IHO1: variants seen among roughly 807,000 people sequenced by gnomAD.
The protein encoded by IHO1 is interactor of HORMAD1 1.
A neutral mutation model predicts 31.0 loss-of-function variants in IHO1; 13 were observed. The ratio of observed to expected loss-of-function variants is 0.42; its 90% CI spans 0.27 to 0.67. IHO1 has a LOEUF of 0.67. Among genes scored for constraint, IHO1 ranks in the 30% least tolerant of loss-of-function variants. The pLI, the probability that IHO1 is intolerant of heterozygous loss-of-function variation, is 0.24. For synonymous variants in IHO1, 221 were observed against 248.4 expected, an observed-to-expected ratio of 0.89 and a Z score of 1.04; for missense variants, 599 against 687.5, an observed-to-expected ratio of 0.87 and a Z score of 1.44.
chr3:49,193,018 A>G, the IHO1 span, among the ~76,000 whole-genome samples: 22 of 152,356 alleles, frequency 1.4e-4, no homozygotes, highest in Non-Finnish European at 1.9e-4. Context: ...TAGTCACACA[A>G]TGAAATTACT....
In IHO1 at chr3:49,256,920, T is replaced by C. The variant is rs1454531463; in HGVS notation, c.1423T>C (p.Tyr475His). 1.3e-5 allele frequency: 21 copies of C among 1,614,178 alleles called. No homozygotes were observed. The highest frequency in any genetic ancestry group is 3.3e-5 in the South Asian group (3 of 91,086). ...PIQTCKFNSK[Y>H]QSPQPAISVP... ...CCAGACCTGTAAATTCAATTCCAAA[T>C]ATCAGAGTCCTCAGCCTGCAATTTC... The change falls in exon 8 of 8, where the codon TAT (tyrosine) becomes CAT (histidine). Residue 475 changes from tyrosine to histidine, a missense_variant. By Grantham distance (83) the Tyr-to-His change is moderately conservative. Transcript: ENST00000452691. This position sits in a 1 kb window ranked among gnomAD's most constrained non-coding sequence, Gnocchi z 4.6.
In IHO1 at chr3:49,222,536, G is replaced by C. The variant is rs573775914; in HGVS notation, c.56+10700G>C. On this transcript the variant is annotated intron_variant, in intron 2 of 7. Coordinates refer to ENST00000452691, the MANE Select transcript of IHO1 (RefSeq NM_001135197.2). ...AAAAAGGTTGATGTGATTAGGATTTGCATCCCAGCAGGAGCTATAGTATGT... is the reference window on the plus strand; with the variant it reads ...AAAAAGGTTGATGTGATTAGGATTTCCATCCCAGCAGGAGCTATAGTATGT... Among the ~76,000 whole-genome samples the C allele has an allele frequency of 2.0e-5, 3 of 152,318 alleles. No homozygotes were observed. In the East Asian group the frequency reaches 5.8e-4, roughly 29 times the overall value.
At chr3:49,207,738 T>C (rs2107682718) in intron 1 of IHO1, among the ~76,000 whole-genome samples, 1 of 152,074 alleles carries the variant, frequency 6.6e-6, no homozygotes, top group South Asian at 2.1e-4. Flanking sequence ...ATAAAAATAG[T>C]CCTCATGATT....
intron 2 of IHO1, among the ~76,000 whole-genome samples, chr3:49,214,606 T>TCATATATATATATATATATACATATA (rs199698928): frequency 2.0e-5 from 1 of 49,512 alleles, no homozygotes; most frequent in Non-Finnish European, 4.0e-5. Flanking sequence ...TATTTCTAGA[T>TCATATATATATATATATATACATATA]CATATATATA....
intron 1 of IHO1, among the ~76,000 whole-genome samples, chr3:49,206,920 T>C: frequency 6.6e-6 from 1 of 151,838 alleles, no homozygotes; most frequent in Non-Finnish European, 1.5e-5. Flanking sequence ...TGGTGGCAGA[T>C]GCCTGTAATC....
chr3:49,246,663 A>C (rs2046698847), intron 6 of IHO1, among the ~76,000 whole-genome samples: 1 of 151,964 alleles, frequency 6.6e-6, no homozygotes, highest in Non-Finnish European at 1.5e-5. Flanking sequence ...TAATAATAAT[A>C]ATAATAAAAC....
chr3:49,193,715 G>T (rs1197421149), upstream of IHO1, among the ~76,000 whole-genome samples: 1 of 135,700 alleles, frequency 7.4e-6, no homozygotes, highest in African/African-American at 2.8e-5. Flanking sequence ...TGTAATCCCA[G>T]CATTCTGGGA....
intron 2 of IHO1, among the ~76,000 whole-genome samples, chr3:49,221,366 G>A (rs528174113): frequency 6.7e-5 from 10 of 150,362 alleles, no homozygotes; most frequent in Admixed American, 3.3e-4. Context: ...TGATTGGTGC[G>A]TTTTTTACAG....
At chr3:49,244,553 T>C in intron 5 of IHO1, 93 bp from the exon 6 acceptor site, 1 of 1,306,416 alleles carries the variant, frequency 7.7e-7, no homozygotes, top group East Asian at 2.3e-5. Context: ...AGCAATATTT[T>C]AACTATCCCT....
At chr3:49,253,379 C>T (rs1370039435) in intron 6 of IHO1, among the ~76,000 whole-genome samples, 1 of 151,900 alleles carries the variant, frequency 6.6e-6, no homozygotes, top group Non-Finnish European at 1.5e-5. Flanking sequence ...GAGCTGAGAT[C>T]GTGCCACTGC....
At chr3:49,246,206 G>GGCT (rs2046693424) in intron 6 of IHO1, among the ~76,000 whole-genome samples, 1 of 145,724 alleles carries the variant, frequency 6.9e-6, no homozygotes, top group Non-Finnish European at 1.5e-5. Context: ...AAAAAAACTT[G>GGCT]TTCTGGAAGC....
chr3:49,214,521 C>A (rs752932352), intron 2 of IHO1, among the ~76,000 whole-genome samples: 1 of 106,274 alleles, frequency 9.4e-6, no homozygotes, highest in Non-Finnish European at 1.8e-5. Context: ...GATCAGAAAC[C>A]TAGAGCACTG....
intron 1 of IHO1, among the ~76,000 whole-genome samples, chr3:49,205,883 C>T (rs2046130593): frequency 6.6e-6 from 1 of 151,732 alleles, no homozygotes; most frequent in Non-Finnish European, 1.5e-5. Flanking sequence ...AATTCTCTTG[C>T]CTCAGCCTCC....
chr3:49,211,684 G>A (rs1224261196), intron 1 of IHO1, 82 bp from the exon 2 acceptor site: 4 of 561,506 alleles, frequency 7.1e-6, no homozygotes, highest in African/African-American at 2.0e-5. Flanking sequence ...GAATGTCTTC[G>A]TGTACATATA....
intron 2 of IHO1, chr3:49,228,218 C>A (rs890058061): frequency 5.3e-6 from 2 of 374,920 alleles, no homozygotes; most frequent in Admixed American, 3.1e-5. Flanking sequence ...GGTCAACCAA[C>A]TTGTTGTCGG....
At chr3:49,212,340 T>C (rs1450331129) in intron 2 of IHO1, among the ~76,000 whole-genome samples, 1 of 81,462 alleles carries the variant, frequency 1.2e-5, no homozygotes, top group Non-Finnish European at 2.5e-5. Flanking sequence ...CAAAACCCCA[T>C]CTCCACTAAA....
intron 1 of IHO1, among the ~76,000 whole-genome samples, chr3:49,200,897 A>C (rs2107676428): frequency 6.6e-6 from 1 of 152,316 alleles, no homozygotes; most frequent in South Asian, 2.1e-4. Context: ...GGTAGCATGG[A>C]GATAAATACA....
chr3:49,244,859 A>G, intron 6 of IHO1, 126 bp downstream of exon 6: 1 of 821,530 alleles, frequency 1.2e-6, no homozygotes, highest in South Asian at 1.4e-5. Context: ...GGATGGGTAT[A>G]TAGGGTTAGT....
chr3:49,214,684 G>A (rs1338376276), intron 2 of IHO1, among the ~76,000 whole-genome samples: 1 of 104,924 alleles, frequency 9.5e-6, no homozygotes, highest in Non-Finnish European at 1.9e-5. Flanking sequence ...TTGTTGCCCA[G>A]GCTGGAGTGC....
Sources: allele counts gnomAD v4.1 joint callset (sites outside exome capture counted in the v4.1 genomes callset), GRCh38; gene constraint gnomAD v4.1.1; non-coding constraint Gnocchi (gnomAD v3.1); transcripts MANE v1.5; gene names NCBI Gene and HGNC (gene_info 2026-07-23, HGNC 2026-07-21).